The following LRIF1 variants were observed in gnomAD, a reference collection of about 807,000 sequenced individuals.
LRIF1 encodes ligand-dependent nuclear receptor-interacting factor 1.
Under a neutral mutation model 52.7 loss-of-function variants are expected in LRIF1, and 32 were observed. The ratio of observed to expected loss-of-function variants is 0.61; its 90% CI spans 0.46 to 0.82. LRIF1 has a LOEUF of 0.82. Ranked by LOEUF, LRIF1 falls within the 40% of genes least tolerant of loss-of-function variation. The probability of loss-of-function intolerance (pLI) is 0.00; values close to 1 mark genes in which losing one functional copy is unlikely to be tolerated. For missense variants in LRIF1, 887 were observed against 892.0 expected (o/e 0.99, Z 0.07); for synonymous variants, 323 against 317.4 (o/e 1.02, Z -0.19).
chr1:110,905,977 A>G, the LRIF1 span, among the ~76,000 whole-genome samples: 3 of 152,172 alleles, frequency 2.0e-5, no homozygotes, highest in African/African-American at 7.2e-5. Flanking sequence ...AGGTTAAAAT[A>G]ATGGGATATA....
Position 110,949,922 on chromosome 1 carries a change from A to T in LRIF1, c.1798T>A (p.Phe600Ile). The T allele has an allele frequency of 6.2e-7, 1 of 1,614,144 alleles. No individual in the cohort carries two copies. The highest frequency in any genetic ancestry group is 1.3e-5 in the African/African-American group (1 of 75,044). ...GTACCACTCTTTACCAAACTGCTAA[A>T]GGAATCGAAACCTTCTCCAGAGGTC... ...HLTSGEGFDS[F>I]SSLVKSGTYK... The change falls in exon 3 of 4, where the codon TTT becomes ATT. Residue 600 changes from phenylalanine to isoleucine, a missense_variant. Phe to Ile is a conservative substitution (Grantham distance 21). Transcript: ENST00000369763.
the LRIF1 span, chr1:110,938,599 A>G: frequency 6.6e-6 from 1 of 152,244 alleles, no homozygotes; most frequent in African/African-American, 2.4e-5. Flanking sequence ...CATAGCTAGT[A>G]TCATACTGAA....
At chr1:110,917,613 C>T in the LRIF1 span, among the ~76,000 whole-genome samples, 1 of 149,386 alleles carries the variant, frequency 6.7e-6, no homozygotes, top group Non-Finnish European at 1.5e-5. Context: ...AATCCCTGCC[C>T]TTAAGGAGCT....
the LRIF1 span, among the ~76,000 whole-genome samples, chr1:110,916,217 A>G: frequency 6.6e-6 from 1 of 152,176 alleles, no homozygotes; most frequent in East Asian, 1.9e-4. Context: ...AAATAATCTA[A>G]ATATATTTTG....
At chr1:110,909,402 TA>T in the LRIF1 span, among the ~76,000 whole-genome samples, 1 of 152,094 alleles carries the variant, frequency 6.6e-6, no homozygotes, top group African/African-American at 2.4e-5. Flanking sequence ...GTAAATGGGC[TA>T]AACACCCCAC....
chr1:110,916,440 G>A, the LRIF1 span, among the ~76,000 whole-genome samples: 18 of 151,890 alleles, frequency 1.2e-4, no homozygotes, highest in Non-Finnish European at 2.4e-4. Context: ...TAAATGCAGA[G>A]AAACAACATA....
chr1:110,962,739 T>C (rs1217761287), intron 1 of LRIF1, among the ~76,000 whole-genome samples: 1 of 152,208 alleles, frequency 6.6e-6, no homozygotes, highest in Non-Finnish European at 1.5e-5. Context: ...AGCTTGATTT[T>C]CTTCAAACGA....
chr1:110,963,028 A>G (rs1356515761), intron 1 of LRIF1, among the ~76,000 whole-genome samples: 4 of 152,200 alleles, frequency 2.6e-5, no homozygotes, highest in Non-Finnish European at 2.9e-5. Context: ...AGCCAATGAA[A>G]TGGCACTTCA....
chr1:110,896,635 TG>T, the LRIF1 span: 251 of 1,610,222 alleles, frequency 1.6e-4, no homozygotes, highest in Non-Finnish European at 2.0e-4. Context: ...ATCATCATTT[TG>T]GGGGTTTGGC....
the LRIF1 span, among the ~76,000 whole-genome samples, chr1:110,910,623 A>C: frequency 6.6e-6 from 1 of 152,128 alleles, no homozygotes; most frequent in South Asian, 2.1e-4. Flanking sequence ...ACAAAACAAA[A>C]CAAACCTGAA....
rs994573156 is a variant in LRIF1 at position 110,963,877 on chromosome 1, G to C, written c.-189C>G. 6.5e-6 allele frequency: 3 copies of C among 461,276 alleles called. No individual in the cohort carries two copies. The highest frequency in any genetic ancestry group is 3.9e-5 in the African/African-American group (2 of 51,280). The allele number at this position is 461,276 out of a possible 1,614,324, so 28.6% of individuals were successfully genotyped here. A position where few individuals can be genotyped will look rare whatever the true frequency, so the allele number is the denominator to read the frequency against. On this transcript the variant is annotated 5_prime_UTR_variant, in exon 1 of 4. Coordinates refer to ENST00000369763, the MANE Select transcript of LRIF1 (RefSeq NM_018372.4). The stretch of plus-strand genomic sequence containing the variant: ...GGTGTATCCCCAGGCTTCGGGACGA[G>C]GTCGCGCACCGCGCAGAAACCGGAA...
chr1:110,887,058 G>GTTTATTTTATTTTATTTTATTTTAT, the LRIF1 span, among the ~76,000 whole-genome samples: 1,253 of 146,750 alleles, frequency 8.5e-3, 11 homozygotes, highest in African/African-American at 0.013. Flanking sequence ...CTCTATTTAT[G>GTTTATTTTATTTTATTTTATTTTAT]TTTATTTTAT....
chr1:110,955,406 T>C (rs1658655028), intron 1 of LRIF1, among the ~76,000 whole-genome samples: 1 of 152,212 alleles, frequency 6.6e-6, no homozygotes, highest in Admixed American at 6.5e-5. Flanking sequence ...TCATATCTTC[T>C]ACCTTTCAAT....
chr1:110,931,699 T>C, the LRIF1 span, among the ~76,000 whole-genome samples: 13 of 152,226 alleles, frequency 8.5e-5, no homozygotes, highest in African/African-American at 2.9e-4. Context: ...AGATGGTATC[T>C]CATTGTGGTT....
At chr1:110,957,403 G>A (rs933015185) in intron 1 of LRIF1, among the ~76,000 whole-genome samples, 6 of 140,206 alleles carry the variant, frequency 4.3e-5, no homozygotes, top group Admixed American at 7.7e-5. Context: ...AGGAGGCGGC[G>A]GAGCTTGCAG....
the LRIF1 span, among the ~76,000 whole-genome samples, chr1:110,909,770 G>A: frequency 5.9e-5 from 9 of 151,848 alleles, no homozygotes; most frequent in Middle Eastern, 3.4e-3. Flanking sequence ...TAATAGTGAC[G>A]GGGTTTCTCC....
chr1:110,962,528 T>A (rs1238557438), intron 1 of LRIF1, among the ~76,000 whole-genome samples: 2 of 152,192 alleles, frequency 1.3e-5, no homozygotes, highest in Admixed American at 1.3e-4. Context: ...TGGGCTAAAA[T>A]CTGTACAGAA....
the LRIF1 span, among the ~76,000 whole-genome samples, chr1:110,925,415 C>T: frequency 4.0e-5 from 1 of 25,172 alleles, no homozygotes; most frequent in East Asian, 2.9e-3. Flanking sequence ...TAAAATCTTT[C>T]TCTCTCTCTC....
In LRIF1 at chr1:110,963,922, C is replaced by T. The variant is rs542958205; in HGVS notation, c.-234G>A. On this transcript the variant is annotated 5_prime_UTR_variant, in exon 1 of 4. Coordinates refer to ENST00000369763, the MANE Select transcript of LRIF1 (RefSeq NM_018372.4). ...CCGGAAGGCTCCTGGCGGTGGACTG[C>T]GCCCTCACAGCCCTACGCTGAGAGA... 4.8e-6 allele frequency: 2 copies of T among 415,376 alleles called. No individual in the cohort carries two copies. Among genetic ancestry groups the T allele is most frequent in the Non-Finnish European group, 4.6e-6 (1 of 218,242 alleles). 25.7% of individuals were successfully genotyped at this position (415,376 alleles called of 1,614,324 possible).
Sources: allele counts gnomAD v4.1 joint callset (sites outside exome capture counted in the v4.1 genomes callset), GRCh38; gene constraint gnomAD v4.1.1; transcripts MANE v1.5; gene names NCBI Gene and HGNC (gene_info 2026-07-23, HGNC 2026-07-21).